IGFBP2: variants seen among roughly 807,000 people sequenced by gnomAD.
The protein encoded by IGFBP2 is insulin-like growth factor-binding protein 2.
In IGFBP2, 12 loss-of-function variants were observed where a neutral mutation model predicts 26.2. The observed-to-expected ratio is 0.46, with a 90% CI of 0.29 to 0.74. The LOEUF is 0.74. IGFBP2 is among the 30% of genes least tolerant of loss of function. The probability of loss-of-function intolerance (pLI) is 0.09; values close to 1 mark genes in which losing one functional copy is unlikely to be tolerated. For missense variants in IGFBP2, 328 were observed against 441.2 expected (o/e 0.74, Z 2.30); for synonymous variants, 189 against 200.6 (o/e 0.94, Z 0.49).
chr2:216,634,455 C>T (rs1374074417), intron 1 of IGFBP2, among the ~76,000 whole-genome samples: 1 of 152,086 alleles, frequency 6.6e-6, no homozygotes, highest in Non-Finnish European at 1.5e-5. Flanking sequence ...CCCAAGGGGC[C>T]CTTCCTTCTA....
intron 1 of IGFBP2, among the ~76,000 whole-genome samples, chr2:216,645,979 G>A (rs1697702760): frequency 6.6e-6 from 1 of 152,192 alleles, no homozygotes. Context: ...TGAGAGCATA[G>A]CCAAGGAAGG....
At chr2:216,640,492 G>A (rs935871218) in intron 1 of IGFBP2, among the ~76,000 whole-genome samples, 3 of 152,218 alleles carry the variant, frequency 2.0e-5, no homozygotes, top group African/African-American at 7.2e-5. Flanking sequence ...TGAGATGGCA[G>A]GCAGCCGCCA....
In IGFBP2 at chr2:216,664,214, A is replaced by G. The variant is rs549702249; in HGVS notation, c.*110A>G. 5.3e-3 allele frequency: 4,675 copies of G among 877,572 alleles called. 26 individuals are homozygous for G. The highest frequency in any genetic ancestry group is 6.0e-3 in the Non-Finnish European group (3,626 of 602,908). 54.4% of individuals were successfully genotyped at this position (877,572 alleles called of 1,614,324 possible). ...TGCTGGAGGATTTTCCAGTTCTGACACACGTATTTATATTTGGAAAGAGAC... is the reference window on the plus strand; with the variant it reads ...TGCTGGAGGATTTTCCAGTTCTGACGCACGTATTTATATTTGGAAAGAGAC... On this transcript the variant is annotated 3_prime_UTR_variant, in exon 4 of 4. Transcript: ENST00000233809. This position sits in a 1 kb window ranked among gnomAD's most constrained non-coding sequence, Gnocchi z 4.6.
intron 1 of IGFBP2, among the ~76,000 whole-genome samples, chr2:216,649,464 G>T (rs1697776438): frequency 6.6e-6 from 1 of 152,166 alleles, no homozygotes; most frequent in South Asian, 2.1e-4. Context: ...CATTCCCATA[G>T]TCCCTGGTTC....
chr2:216,642,649 A>C (rs1697639987), intron 1 of IGFBP2, among the ~76,000 whole-genome samples: 1 of 152,102 alleles, frequency 6.6e-6, no homozygotes. Context: ...TGCTCTTTGG[A>C]TCCGATGTGC....
Position 216,655,005 on chromosome 2 carries a change from T to C in IGFBP2, c.443-5552T>C, listed in dbSNP as rs73065699. Among the ~76,000 whole-genome samples the C allele has an allele frequency of 7.8e-3, 1,195 of 152,294 alleles. 11 individuals are homozygous for C. The highest frequency in any genetic ancestry group is 0.026 in the African/African-American group (1,084 of 41,554). ...ATCTGTGGGCCCTGGACACTGCCTC[T>C]GTGGGCCCTTCTATAAAAACATATA... On this transcript the variant is annotated intron_variant, in intron 1 of 3. Coordinates refer to ENST00000233809, the MANE Select transcript of IGFBP2 (RefSeq NM_000597.3).
chr2:216,653,927 A>G (rs940469910), intron 1 of IGFBP2, among the ~76,000 whole-genome samples: 1 of 152,176 alleles, frequency 6.6e-6, no homozygotes, highest in African/African-American at 2.4e-5. Flanking sequence ...GTTTCTATCA[A>G]CCATTTCTAA....
chr2:216,652,053 T>A (rs992900178), intron 1 of IGFBP2, among the ~76,000 whole-genome samples: 15 of 151,150 alleles, frequency 9.9e-5, no homozygotes, highest in Admixed American at 4.6e-4. Flanking sequence ...TGAGCCACCA[T>A]GCCTGGCCAC....
At position 216,633,872 on chromosome 2, in the gene IGFBP2, TC is replaced by T; in HGVS notation, c.351del (p.Glu118SerfsTer50). On this transcript the variant is annotated frameshift_variant, in exon 1 of 4. Coordinates refer to ENST00000233809, the MANE Select transcript of IGFBP2 (RefSeq NM_000597.3). LOFTEE classifies it high-confidence loss of function. The stretch of plus-strand genomic sequence containing the variant: ...GCTGCGCTGCTATCCCCACCCGGGC[TC>T]CGAGCTGCCCCTGCAGGCGCTGGTC... ...QGLRCYPHPGSELPLQALVMG... is the reference protein window; with the variant it reads ...QGLRCYPHPGXELPLQALVMG... 6.3e-7 allele frequency: 1 copy of T among 1,576,048 alleles called. No individual in the cohort carries two copies. The highest frequency in any genetic ancestry group is 8.6e-7 in the Non-Finnish European group (1 of 1,164,468).
intron 1 of IGFBP2, chr2:216,659,888 C>T (rs907668131): frequency 1.1e-5 from 8 of 730,084 alleles, no homozygotes; most frequent in African/African-American, 5.2e-5. Context: ...CTCGGAGCAG[C>T]ACTATGGGAC....
chr2:216,655,585 T>A (rs2106202406), intron 1 of IGFBP2, among the ~76,000 whole-genome samples: 1 of 152,264 alleles, frequency 6.6e-6, no homozygotes, highest in South Asian at 2.1e-4. Context: ...TCTCAGGCAG[T>A]TTTTTATAGC....
chr2:216,657,074 A>T (rs1020417512), intron 1 of IGFBP2, among the ~76,000 whole-genome samples: 5 of 152,082 alleles, frequency 3.3e-5, no homozygotes, highest in Admixed American at 1.3e-4. Context: ...TCTCATTTTG[A>T]TCCTGAGTAG....
At chr2:216,662,055 T>G (rs1688663077) in intron 3 of IGFBP2, 57 bp downstream of exon 3, 1 of 1,588,772 alleles carries the variant, frequency 6.3e-7, no homozygotes, top group African/African-American at 1.3e-5. Flanking sequence ...GGGCCCCAGA[T>G]GTGCCTTGTT....
intron 1 of IGFBP2, among the ~76,000 whole-genome samples, chr2:216,642,125 G>A (rs987685067): frequency 1.4e-5 from 2 of 140,444 alleles, no homozygotes; most frequent in African/African-American, 2.7e-5. Context: ...TCAGCCTCCT[G>A]AGTAGCTGGA....
At chr2:216,644,428 C>G (rs974343035) in intron 1 of IGFBP2, among the ~76,000 whole-genome samples, 1 of 152,114 alleles carries the variant, frequency 6.6e-6, no homozygotes. Context: ...TGTGTTCATT[C>G]AAGGAACTGA....
intron 1 of IGFBP2, among the ~76,000 whole-genome samples, chr2:216,654,582 C>T (rs2106201563): frequency 6.6e-6 from 1 of 152,324 alleles, no homozygotes; most frequent in East Asian, 1.9e-4. Flanking sequence ...TGATCTCTGC[C>T]TGGTCAACTC....
At chr2:216,660,457 A>C in intron 1 of IGFBP2, 100 bp from the exon 2 acceptor site, 1 of 825,638 alleles carries the variant, frequency 1.2e-6, no homozygotes, top group Non-Finnish European at 1.9e-6. Flanking sequence ...GCCGCGCGTC[A>C]TCTCCACCCT....
At chr2:216,656,166 T>C (rs1431436634) in intron 1 of IGFBP2, among the ~76,000 whole-genome samples, 1 of 152,150 alleles carries the variant, frequency 6.6e-6, no homozygotes, top group Non-Finnish European at 1.5e-5. Context: ...GAGGGCCTTC[T>C]TCTGAGGATT....
At chr2:216,655,900 A>G (rs939436574) in intron 1 of IGFBP2, among the ~76,000 whole-genome samples, 13 of 150,766 alleles carry the variant, frequency 8.6e-5, no homozygotes, top group Admixed American at 3.3e-4. Flanking sequence ...GTCTCAAAAA[A>G]ACAAAAAAAA....
Sources: gnomAD v4.1 joint callset for allele counts (sites outside exome capture counted in the v4.1 genomes callset) on GRCh38, gnomAD v4.1.1 for gene constraint, Gnocchi (gnomAD v3.1) non-coding constraint, MANE v1.5 for transcripts, NCBI Gene and HGNC (gene_info 2026-07-23, HGNC 2026-07-21) for gene names.